The following STXBP5 variants were observed in gnomAD, a reference collection of about 807,000 sequenced individuals.
The protein encoded by STXBP5 is syntaxin binding protein 5, also known as syntaxin-binding protein 5.
In STXBP5, 50 loss-of-function variants were observed where a neutral mutation model predicts 152.4. The observed-to-expected ratio is 0.33, with a 90% CI of 0.26 to 0.42. The LOEUF (loss-of-function observed/expected upper bound fraction) is 0.42. Ranked by LOEUF, STXBP5 falls within the 10% of genes least tolerant of loss-of-function variation. The probability of loss-of-function intolerance (pLI) is 1.00; values close to 1 mark genes in which losing one functional copy is unlikely to be tolerated. For missense variants in STXBP5, 1,167 were observed against 1,388.6 expected (o/e 0.84, Z 2.54); for synonymous variants, 492 against 494.7 (o/e 0.99, Z 0.07).
At position 147,388,672 on chromosome 6, in the gene STXBP5, TA is replaced by T. The variant is rs892597019; in HGVS notation, c.*3923del. 6.6e-6 allele frequency: 1 copy of T among 151,358 alleles called. No individual in the cohort carries two copies. Among genetic ancestry groups the T allele is most frequent in the Non-Finnish European group, 1.5e-5 (1 of 67,576 alleles). The allele number at this position is 151,358 out of a possible 1,614,324, so 9.4% of individuals were successfully genotyped here. ...CAGGAAAGATATCATTTCTATGCTTTAAAAAACCCTCTATTGAGCATTTTCA... is the reference window on the plus strand; with the variant it reads ...CAGGAAAGATATCATTTCTATGCTTTAAAAACCCTCTATTGAGCATTTTCA... On this transcript the variant is annotated 3_prime_UTR_variant, in exon 28 of 28. Coordinates refer to ENST00000321680, the MANE Select transcript of STXBP5 (RefSeq NM_001127715.4).
At chr6:147,310,482 G>A (rs1221119705) in intron 10 of STXBP5, among the ~76,000 whole-genome samples, 1 of 152,100 alleles carries the variant, frequency 6.6e-6, no homozygotes, top group Non-Finnish European at 1.5e-5. Context: ...AGATAGTAAT[G>A]TATTAGTAAG....
intron 26 of STXBP5, among the ~76,000 whole-genome samples, chr6:147,381,462 TG>T (rs1373925386): frequency 6.6e-6 from 1 of 152,112 alleles, no homozygotes; most frequent in Non-Finnish European, 1.5e-5. Flanking sequence ...GCACCCTCTT[TG>T]GAAAACTGAT....
chr6:147,274,778 T>C (rs1440280125), intron 7 of STXBP5, among the ~76,000 whole-genome samples: 1 of 152,092 alleles, frequency 6.6e-6, no homozygotes, highest in East Asian at 1.9e-4. Context: ...CAATAATAGA[T>C]AGTTACATTG....
intron 10 of STXBP5, among the ~76,000 whole-genome samples, chr6:147,311,161 T>C (rs1013371711): frequency 1.3e-5 from 2 of 152,202 alleles, no homozygotes; most frequent in Non-Finnish European, 1.5e-5. Flanking sequence ...TGTTCTTGTG[T>C]GTATTCAGAT....
At chr6:147,244,626 A>G (rs527887700) in intron 4 of STXBP5, among the ~76,000 whole-genome samples, 95 of 152,346 alleles carry the variant, frequency 6.2e-4, no homozygotes, top group African/African-American at 2.3e-3. Flanking sequence ...GGCATGCCCT[A>G]GCGTCAATAG....
intron 4 of STXBP5, among the ~76,000 whole-genome samples, chr6:147,257,670 A>C (rs1779437626): frequency 6.6e-6 from 1 of 152,198 alleles, no homozygotes; most frequent in South Asian, 2.1e-4. Flanking sequence ...CACTGTTTGC[A>C]TTCCTGAAAA....
At position 147,206,051 on chromosome 6, in the gene STXBP5, G is replaced by T; in HGVS notation, c.231G>T (p.Gln77His). The part of the protein sequence containing the change: ...PVQKILAVGT[Q>H]TGALRLFGRP... ...AGAAGATCCTGGCAGTGGGAACTCAGACTGGTGCTTTAAGGCTGTATCCTT... is the reference window on the plus strand; with the variant it reads ...AGAAGATCCTGGCAGTGGGAACTCATACTGGTGCTTTAAGGCTGTATCCTT... Residue 77 changes from glutamine (Q) to histidine (H), a missense_variant, in exon 2 of 28, where the codon CAG becomes CAT. By Grantham distance (24) the Gln-to-His change is conservative. Around this residue, in one of 3 missense-constraint regions of STXBP5, gnomAD observed 310 missense variants for 346.1 expected, o/e 0.90. Coordinates refer to ENST00000321680, the MANE Select transcript of STXBP5 (RefSeq NM_001127715.4). 1 of 1,613,934 alleles carries T rather than the reference G, an allele frequency of 6.2e-7. No homozygotes were observed. The highest frequency in any genetic ancestry group is 1.1e-5 in the South Asian group (1 of 91,078).
In STXBP5 at chr6:147,278,085, T is replaced by C. The variant is rs1275628290; in HGVS notation, c.719T>C (p.Ile240Thr). The stretch of plus-strand genomic sequence containing the variant: ...GTATTTTTCATCCTTCTATAGGCTA[T>C]CCACTCTGTTGCTTGGCATCATGAA... ...ADYRYTYDEA[I>T]HSVAWHHEGK... The change falls in exon 8 of 28, where the codon ATC becomes ACC. Residue 240 changes from isoleucine to threonine, a missense_variant. Physicochemically the swap from Ile to Thr is moderately conservative, Grantham distance 89 (BLOSUM62 -1). Transcript: ENST00000321680. 5.0e-6 allele frequency: 8 copies of C among 1,611,654 alleles called. No individual in the cohort carries two copies. Among genetic ancestry groups the C allele is most frequent in the Non-Finnish European group, 6.8e-6 (8 of 1,178,432 alleles).
intron 16 of STXBP5, among the ~76,000 whole-genome samples, chr6:147,317,742 T>C (rs1307530664): frequency 6.6e-6 from 1 of 152,176 alleles, no homozygotes; most frequent in Non-Finnish European, 1.5e-5. Flanking sequence ...TAACTGTAGT[T>C]CTAGCACATG....
chr6:147,217,996 C>T (rs1486159939), intron 2 of STXBP5, among the ~76,000 whole-genome samples: 1 of 152,140 alleles, frequency 6.6e-6, no homozygotes, highest in Non-Finnish European at 1.5e-5. Flanking sequence ...TTTGCCTACT[C>T]TTATCATGAT....
chr6:147,213,477 T>TGCGCGCGCGCACGC (rs1554282764), intron 2 of STXBP5, among the ~76,000 whole-genome samples: 1 of 131,278 alleles, frequency 7.6e-6, no homozygotes, highest in African/African-American at 3.2e-5. Context: ...TGTGTGTGTG[T>TGCGCGCGCGCACGC]GCGCGCGCAT....
rs960687596 is a variant in STXBP5, at chr6:147,274,353, A to G, written c.715-3728A>G. On this transcript the variant is annotated intron_variant, in intron 7 of 27. Coordinates refer to ENST00000321680, the MANE Select transcript of STXBP5 (RefSeq NM_001127715.4). Reference sequence around the variant, plus strand: ...GGAGGTTATTTTTAATGGAAAGGGCAGTGGTTTCAGTTTATAACTATTTAT... The same window carrying G: ...GGAGGTTATTTTTAATGGAAAGGGCGGTGGTTTCAGTTTATAACTATTTAT... Among the ~76,000 whole-genome samples, 12 of 152,234 alleles carry G rather than the reference A, an allele frequency of 7.9e-5. No individual in the cohort carries two copies. The East Asian group carries it at 1.9e-3, about 24-fold the overall frequency.
chr6:147,313,754 A>G (rs1690302050), intron 11 of STXBP5, 130 bp from the exon 12 acceptor site: 4 of 615,340 alleles, frequency 6.5e-6, no homozygotes, highest in Non-Finnish European at 4.9e-6. Flanking sequence ...ATTTTTAAAT[A>G]TATTTACAAA....
intron 9 of STXBP5, among the ~76,000 whole-genome samples, chr6:147,309,032 T>A (rs1466856087): frequency 6.6e-6 from 1 of 152,128 alleles, no homozygotes; most frequent in African/African-American, 2.4e-5. Context: ...ACAGAGAGGG[T>A]AAGCAACATG....
chr6:147,357,940 G>C (rs1461596529), intron 22 of STXBP5, among the ~76,000 whole-genome samples: 1 of 152,096 alleles, frequency 6.6e-6, no homozygotes, highest in Non-Finnish European at 1.5e-5. Context: ...AAAGGAAAAG[G>C]CTAGGGCTTG....
At chr6:147,280,107 T>G (rs2128342749) in intron 8 of STXBP5, among the ~76,000 whole-genome samples, 1 of 152,080 alleles carries the variant, frequency 6.6e-6, no homozygotes, top group African/African-American at 2.4e-5. Flanking sequence ...TATAACCAAG[T>G]TTTGCCTTTA....
intron 21 of STXBP5, among the ~76,000 whole-genome samples, chr6:147,350,838 C>A (rs1359530559): frequency 2.6e-5 from 4 of 152,150 alleles, no homozygotes; most frequent in Non-Finnish European, 5.9e-5. Context: ...TTGCTTATGT[C>A]ATCTTACATA....
chr6:147,374,477 A>G (rs892242677), intron 26 of STXBP5, among the ~76,000 whole-genome samples: 1 of 152,180 alleles, frequency 6.6e-6, no homozygotes, highest in Non-Finnish European at 1.5e-5. Context: ...ATTTTTTTAA[A>G]CTTACCCAAA....
rs549727255 is a variant in STXBP5, at chr6:147,294,029, G to C, written c.917+2857G>C. ...AGCTTTTATTTTCTGATGAGATAAAGCAAATAAAACTTAGATCTGGAGAAA... is the reference window on the plus strand; with the variant it reads ...AGCTTTTATTTTCTGATGAGATAAACCAAATAAAACTTAGATCTGGAGAAA... On this transcript the variant is annotated intron_variant, in intron 9 of 27. Coordinates refer to ENST00000321680, the MANE Select transcript of STXBP5 (RefSeq NM_001127715.4). 3.9e-5 allele frequency among the ~76,000 whole-genome samples: 6 copies of C among 152,306 alleles called. No homozygotes were observed. In the East Asian group the frequency reaches 9.6e-4, roughly 24 times the overall value.
Sources: allele counts gnomAD v4.1 joint callset (sites outside exome capture counted in the v4.1 genomes callset), GRCh38; gene constraint gnomAD v4.1.1; regional missense constraint gnomAD v4.1.1; transcripts MANE v1.5; gene names NCBI Gene and HGNC (gene_info 2026-07-23, HGNC 2026-07-21).